The following ZNF438 variants were observed in gnomAD, a reference collection of about 807,000 sequenced individuals.
ZNF438 encodes the protein zinc finger protein 438.
In ZNF438, 25 loss-of-function variants were observed where a neutral mutation model predicts 38.0. That is an observed-to-expected ratio of 0.66 (90% CI 0.48 to 0.92). The LOEUF is 0.92. Among genes scored for constraint, ZNF438 ranks in the 40% least tolerant of loss-of-function variants. The pLI is 0.00. For synonymous variants in ZNF438, 372 were observed against 364.1 expected (o/e 1.02, Z -0.25); for missense variants, 1,007 against 999.6 (o/e 1.01, Z -0.10).
At chr10:30,949,046 G>C (rs912606140) in intron 1 of ZNF438, among the ~76,000 whole-genome samples, 3 of 152,070 alleles carry the variant, frequency 2.0e-5, no homozygotes, top group Non-Finnish European at 4.4e-5. Flanking sequence ...ACTAACAGCG[G>C]ATCTCTCGGC....
At chr10:30,976,365 A>G (rs568979231) in intron 1 of ZNF438, among the ~76,000 whole-genome samples, 2 of 152,242 alleles carry the variant, frequency 1.3e-5, no homozygotes, top group Non-Finnish European at 2.9e-5. Flanking sequence ...AAGTGTAAAT[A>G]TAACGGGAAG....
At chr10:30,948,008 C>G (rs931354219) in intron 1 of ZNF438, among the ~76,000 whole-genome samples, 1 of 147,120 alleles carries the variant, frequency 6.8e-6, no homozygotes, top group Non-Finnish European at 1.5e-5. Flanking sequence ...TAGACCGGAG[C>G]TGTTCCTATT....
At chr10:30,942,268 T>C (rs1462129919) in intron 1 of ZNF438, among the ~76,000 whole-genome samples, 1 of 152,138 alleles carries the variant, frequency 6.6e-6, no homozygotes, top group Non-Finnish European at 1.5e-5. Context: ...GAATGCTAGA[T>C]TCAGTACATG....
Position 30,959,764 on chromosome 10 carries a change from C to T in ZNF438, c.-191-18113G>A, listed in dbSNP as rs932970102. Among the ~76,000 whole-genome samples the T allele has an allele frequency of 4.1e-5, 6 of 144,658 alleles. 1 individual carries two copies. The highest frequency in any genetic ancestry group is 9.4e-5 in the Non-Finnish European group (6 of 64,096). The allele number at this position is 144,658 out of a possible 152,430, so 94.9% of individuals were successfully genotyped here. On this transcript the variant is annotated intron_variant, in intron 1 of 5. Coordinates refer to ENST00000413025, the Ensembl canonical transcript of ZNF438. ...CTCCGTCTCAATAAATAAATTTCTTCACACACACACACATACCTGATTCAT... is the reference window on the plus strand; with the variant it reads ...CTCCGTCTCAATAAATAAATTTCTTTACACACACACACATACCTGATTCAT...
intron 4 of ZNF438, among the ~76,000 whole-genome samples, chr10:30,874,180 G>A (rs1482995784): frequency 7.3e-6 from 1 of 137,340 alleles, no homozygotes; most frequent in Non-Finnish European, 1.5e-5. Flanking sequence ...ACAAGGTCTT[G>A]TTCTGTTGTC....
chr10:30,876,707 T>A (rs1214569982), intron 4 of ZNF438, among the ~76,000 whole-genome samples: 1 of 152,188 alleles, frequency 6.6e-6, no homozygotes, highest in Non-Finnish European at 1.5e-5. Context: ...TGATATCTGT[T>A]AGTGCCAGTT....
intron 1 of ZNF438, among the ~76,000 whole-genome samples, chr10:30,976,313 T>C (rs1430052493): frequency 2.0e-5 from 3 of 152,250 alleles, no homozygotes; most frequent in African/African-American, 7.2e-5. Flanking sequence ...AATCCAAGTA[T>C]GTTCTACTTT....
chr10:31,028,437 A>T (rs1589779940), intron 1 of ZNF438, among the ~76,000 whole-genome samples: 1 of 152,250 alleles, frequency 6.6e-6, no homozygotes, highest in Admixed American at 6.5e-5. Context: ...TGCCAAATAA[A>T]GCTAATGCAA....
chr10:30,846,314 T>G (rs1036653735), intron 5 of ZNF438, among the ~76,000 whole-genome samples: 1 of 152,236 alleles, frequency 6.6e-6, no homozygotes, highest in Non-Finnish European at 1.5e-5. Flanking sequence ...GGGCTAGTCC[T>G]GAGAGTGTCA....
At chr10:30,846,397 A>G (rs1326092999) in intron 5 of ZNF438, among the ~76,000 whole-genome samples, 4 of 152,178 alleles carry the variant, frequency 2.6e-5, no homozygotes, top group Admixed American at 2.6e-4. Context: ...CTGGGAAAAC[A>G]TGGAGAGGAG....
exon 5 of ZNF438, chr10:30,849,924 G>A (rs2033236337): frequency 8.7e-6 from 14 of 1,614,066 alleles, no homozygotes; most frequent in Admixed American, 1.7e-5. Flanking sequence ...GGTGGGGAAG[G>A]GGACATCTGA....
intron 1 of ZNF438, among the ~76,000 whole-genome samples, chr10:31,025,867 G>C (rs1489955775): frequency 6.6e-6 from 1 of 152,118 alleles, no homozygotes. Context: ...CAAACATTTA[G>C]AGTGTAAAGT....
chr10:31,018,359 G>A (rs1480573809), intron 1 of ZNF438, among the ~76,000 whole-genome samples: 1 of 152,164 alleles, frequency 6.6e-6, no homozygotes, highest in Admixed American at 6.5e-5. Context: ...CCCTCTTGTA[G>A]TTACTGGCAA....
At chr10:30,979,311 C>T (rs868465413) in intron 1 of ZNF438, among the ~76,000 whole-genome samples, 4 of 152,110 alleles carry the variant, frequency 2.6e-5, no homozygotes, top group Admixed American at 6.5e-5. Context: ...TAGGAAGAAC[C>T]AATATCACGG....
At chr10:30,956,454 A>G (rs991523761) in intron 1 of ZNF438, among the ~76,000 whole-genome samples, 1 of 152,182 alleles carries the variant, frequency 6.6e-6, no homozygotes, top group Non-Finnish European at 1.5e-5. Context: ...GTATTTTGAA[A>G]TATGTTATTA....
intron 3 of ZNF438, among the ~76,000 whole-genome samples, chr10:30,898,569 T>C (rs1357507308): frequency 6.6e-6 from 1 of 152,138 alleles, no homozygotes; most frequent in African/African-American, 2.4e-5. Context: ...ATTTATATAA[T>C]ACATACATAA....
intron 2 of ZNF438, among the ~76,000 whole-genome samples, chr10:30,910,864 T>C (rs942927233): frequency 5.3e-5 from 8 of 152,126 alleles, no homozygotes; most frequent in Non-Finnish European, 1.0e-4. Flanking sequence ...TATATCTTTT[T>C]ATGAAAAATC....
chr10:30,871,452 C>T (rs2037396104), intron 4 of ZNF438, among the ~76,000 whole-genome samples: 1 of 152,138 alleles, frequency 6.6e-6, no homozygotes, highest in African/African-American at 2.4e-5. Context: ...TGCCAGGACG[C>T]TTTAAATCCT....
At position 30,928,513 on chromosome 10, in the gene ZNF438, A is replaced by G. The variant is rs183774390; in HGVS notation, c.-115+13062T>C. On this transcript the variant is annotated intron_variant, in intron 2 of 5. Coordinates refer to ENST00000413025, the Ensembl canonical transcript of ZNF438. ...ATATAAATATAAGGGCCAAACATTC[A>G]AAGAGAATAGGACCCAAACTTTGTC... Among the ~76,000 whole-genome samples, 11 of 152,152 alleles carry G rather than the reference A, an allele frequency of 7.2e-5. No homozygotes were observed. The East Asian group carries it at 1.3e-3, about 19-fold the overall frequency.
Sources: gnomAD v4.1 joint callset for allele counts (sites outside exome capture counted in the v4.1 genomes callset) on GRCh38, gnomAD v4.1.1 for gene constraint, MANE v1.5 for transcripts, NCBI Gene and HGNC (gene_info 2026-07-23, HGNC 2026-07-21) for gene names.